The following SIGLEC14 variants were observed in gnomAD, a reference collection of about 807,000 sequenced individuals.
SIGLEC14 encodes sialic acid binding Ig like lectin 14, also known as sialic acid-binding Ig-like lectin 14.
In SIGLEC14, 11 loss-of-function variants were observed where a neutral mutation model predicts 34.2. That is an observed-to-expected ratio of 0.32 (90% CI 0.20 to 0.53). The LOEUF is 0.53. Ranked by LOEUF, SIGLEC14 falls within the 20% of genes least tolerant of loss-of-function variation. The pLI is 0.95. For missense variants in SIGLEC14, 264 were observed against 439.0 expected (o/e 0.60, Z 3.56); for synonymous variants, 99 against 179.7 (o/e 0.55, Z 3.59).
In SIGLEC14 at chr19:51,643,606, A is replaced by C; in HGVS notation, c.1079T>G (p.Leu360Arg). ...QQGSWPLVLT[L>R]IRGALMGAGF... is the part of the protein sequence containing the mutation. ...AGCCCCCATGAGAGCCCCCCTGATC[A>C]GGGTGAGGACGAGGGGCCAGGAGCC... The change falls in exon 6 of 7, where the codon CTG becomes CGG. Residue 360 changes from leucine to arginine, a missense_variant. Physicochemically the swap from Leu to Arg is moderately radical, Grantham distance 102. Coordinates refer to ENST00000360844, the MANE Select transcript of SIGLEC14 (RefSeq NM_001098612.3). The C allele has an allele frequency of 1.3e-6, 2 of 1,530,614 alleles. No homozygotes were observed. The highest frequency in any genetic ancestry group is 1.8e-6 in the Non-Finnish European group (2 of 1,140,554). The allele number at this position is 1,530,614 out of a possible 1,614,324, so 94.8% of individuals were successfully genotyped here. A position where few individuals can be genotyped will look rare whatever the true frequency, so the allele number is the denominator to read the frequency against.
chr19:51,640,434 G>A lies in SIGLEC14; in HGVS notation c.*2921C>T, dbSNP rs191495821. Among the ~76,000 whole-genome samples the A allele has an allele frequency of 2.3e-3, 320 of 138,722 alleles. 48 individuals carry two copies. The highest frequency in any genetic ancestry group is 3.5e-3 in the Non-Finnish European group (224 of 64,776). 91.0% of individuals were successfully genotyped at this position (138,722 alleles called of 152,430 possible). A position where few individuals can be genotyped will look rare whatever the true frequency, so the allele number is the denominator to read the frequency against. On this transcript the variant is annotated 3_prime_UTR_variant, in exon 7 of 7. Transcript: ENST00000360844. ...CAAGGGATGAAGCCCAGGGCAACTA[G>A]GAACACTGAAACAACAGGTAACAAT... is the stretch of plus-strand genomic sequence containing the variant.
Position 51,643,256 on chromosome 19 carries a change from TG to T in SIGLEC14, c.*98del. 1.7e-6 allele frequency: 2 copies of T among 1,163,186 alleles called. No individual in the cohort carries two copies. The highest frequency in any genetic ancestry group is 1.2e-6 in the Non-Finnish European group (1 of 821,260). The allele number at this position is 1,163,186 out of a possible 1,614,324, so 72.1% of individuals were successfully genotyped here. A position where few individuals can be genotyped will look rare whatever the true frequency, so the allele number is the denominator to read the frequency against. ...CAGGAAGGAAAAGAGGGGTAGTCAG[TG>T]GGATGTGAGCTTCCAGAAAGAAGCT... On this transcript the variant is annotated 3_prime_UTR_variant, in exon 7 of 7. Transcript: ENST00000360844.
chr19:51,646,799 G>A lies in SIGLEC14; in HGVS notation c.-40C>T. On this transcript the variant is annotated 5_prime_UTR_variant, in exon 1 of 7. Transcript: ENST00000360844. Reference sequence around the variant, plus strand: ...GGGCCCCAGCCCAGTCCCAGGTCCGGCTGTCAGGGAAGGAAATGCTCCAAA... The same window carrying A: ...GGGCCCCAGCCCAGTCCCAGGTCCGACTGTCAGGGAAGGAAATGCTCCAAA... The A allele has an allele frequency of 1.8e-6, 1 of 554,066 alleles. No homozygotes were observed. The highest frequency in any genetic ancestry group is 3.1e-6 in the Non-Finnish European group (1 of 317,564). The allele number at this position is 554,066 out of a possible 1,614,324, so 34.3% of individuals were successfully genotyped here. A position where few individuals can be genotyped will look rare whatever the true frequency, so the allele number is the denominator to read the frequency against.
At chr19:51,645,353 TG>T in intron 4 of SIGLEC14, 123 bp downstream of exon 4, 2 of 814,962 alleles carry the variant, frequency 2.5e-6, no homozygotes, top group South Asian at 1.7e-5. Flanking sequence ...ATTGGGGGGT[TG>T]GGAGCAGGAA....
chr19:51,643,487 A>ACCCACC, intron 6 of SIGLEC14, 50 bp downstream of exon 6: 1 of 1,299,168 alleles, frequency 7.7e-7, no homozygotes, highest in Non-Finnish European at 1.0e-6. Context: ...AGGACAGCTC[A>ACCCACC]GCCCCACCTG....
rs1292558322 is a variant in SIGLEC14 at position 51,643,272 on chromosome 19, A to G, written c.*83T>C. The stretch of plus-strand genomic sequence containing the variant: ...GGTAGTCAGTGGGATGTGAGCTTCC[A>G]GAAAGAAGCTGACAGTGATGTCCTG... On this transcript the variant is annotated 3_prime_UTR_variant, in exon 7 of 7. Transcript: ENST00000360844. 4 of 1,294,996 alleles carry G rather than the reference A, an allele frequency of 3.1e-6. 1 individual carries two copies. The highest frequency in any genetic ancestry group is 3.4e-5 in the African/African-American group (2 of 59,660). The allele number at this position is 1,294,996 out of a possible 1,614,324, so 80.2% of individuals were successfully genotyped here.
intron 4 of SIGLEC14, 100 bp downstream of exon 4, chr19:51,645,376 CA>C: frequency 8.7e-7 from 1 of 1,145,960 alleles, no homozygotes; most frequent in Non-Finnish European, 1.2e-6. Flanking sequence ...GACCCAGACC[CA>C]GGGGCTGAGG....
chr19:51,643,483 G>GGGGGCCCCCCC, intron 6 of SIGLEC14, 54 bp downstream of exon 6: 1 of 1,297,888 alleles, frequency 7.7e-7, no homozygotes. Context: ...GGGCAGGACA[G>GGGGGCCCCCCC]CTCAGCCCCA....
rs1983920560 is a variant in SIGLEC14 at position 51,642,203 on chromosome 19, C to G, written c.*1152G>C. On this transcript the variant is annotated 3_prime_UTR_variant, in exon 7 of 7. Transcript: ENST00000360844. ...AGGGAAAATGCAGAACCAGTGGATA[C>G]AGAAGGCTGACTGTACGATATTAAA... 2.9e-5 allele frequency among the ~76,000 whole-genome samples: 4 copies of G among 138,684 alleles called. 1 individual carries two copies. Among genetic ancestry groups the G allele is most frequent in the Non-Finnish European group, 6.2e-5 (4 of 64,884 alleles). 91.0% of individuals were successfully genotyped at this position (138,684 alleles called of 152,430 possible). A position where few individuals can be genotyped will look rare whatever the true frequency, so the allele number is the denominator to read the frequency against.
intron 2 of SIGLEC14, 91 bp from the exon 3 acceptor site, chr19:51,646,151 G>A: frequency 2.4e-6 from 2 of 828,044 alleles, no homozygotes; most frequent in Non-Finnish European, 3.5e-6. Context: ...GCCCCGACCT[G>A]CCCCAAGTCC....
At chr19:51,645,450 C>T in intron 4 of SIGLEC14, 27 bp downstream of exon 4, 2 of 1,516,362 alleles carry the variant, frequency 1.3e-6, no homozygotes, top group Non-Finnish European at 8.9e-7. Flanking sequence ...CCCATCACAG[C>T]CCCAGAGGGA....
chr19:51,641,883 A>G lies in SIGLEC14; in HGVS notation c.*1472T>C, dbSNP rs112159347. ...GGTGATGCAATAATCTGTACAACAA[A>G]CTCCCATGACACTTTACCTATGTAA... On this transcript the variant is annotated 3_prime_UTR_variant, in exon 7 of 7. Coordinates refer to ENST00000360844, the MANE Select transcript of SIGLEC14 (RefSeq NM_001098612.3). 1.6e-3 allele frequency among the ~76,000 whole-genome samples: 228 copies of G among 138,312 alleles called. 29 individuals are homozygous for G. Among genetic ancestry groups the G allele is most frequent in the Middle Eastern group, 3.5e-3 (1 of 284 alleles). The allele number at this position is 138,312 out of a possible 152,430, so 90.7% of individuals were successfully genotyped here.
Position 51,639,900 on chromosome 19 carries a change from T to C in SIGLEC14, c.*3455A>G, listed in dbSNP as rs1437836403. Reference sequence around the variant, plus strand: ...TTAAAAGAAAAACACCTGAAGTTTATAAAAGTTAAATTCATGAAAAAGAAT... The same window carrying C: ...TTAAAAGAAAAACACCTGAAGTTTACAAAAGTTAAATTCATGAAAAAGAAT... On this transcript the variant is annotated 3_prime_UTR_variant, in exon 7 of 7. Transcript: ENST00000360844. 1.4e-5 allele frequency: 2 copies of C among 139,348 alleles called. 1 individual carries two copies. Among genetic ancestry groups the C allele is most frequent in the African/African-American group, 5.4e-5 (2 of 36,716 alleles). The allele number at this position is 139,348 out of a possible 1,614,324, so 8.6% of individuals were successfully genotyped here.
rs770562044 is a variant in SIGLEC14, at chr19:51,643,582, GC to G, written c.1102del (p.Ala368LeufsTer64). 1.3e-6 allele frequency: 2 copies of G among 1,529,218 alleles called. No individual in the cohort carries two copies. Among genetic ancestry groups the G allele is most frequent in the African/African-American group, 3.0e-5 (2 of 66,246 alleles). 94.7% of individuals were successfully genotyped at this position (1,529,218 alleles called of 1,614,324 possible). A position where few individuals can be genotyped will look rare whatever the true frequency, so the allele number is the denominator to read the frequency against. ...GAGGCCATAGGTGAGGAGGAAGCCAGCCCCCATGAGAGCCCCCCTGATCAGG... is the reference window on the plus strand; with the variant it reads ...GAGGCCATAGGTGAGGAGGAAGCCAGCCCCATGAGAGCCCCCCTGATCAGG... ...LTLIRGALMG[A>X]GFLLTYGLTW... On this transcript the variant is annotated frameshift_variant, in exon 6 of 7. Transcript: ENST00000360844. LOFTEE classifies it low-confidence loss of function (END_TRUNC).
chr19:51,643,461 T>TG, intron 6 of SIGLEC14, 64 bp from the exon 7 acceptor site: 2 of 1,239,290 alleles, frequency 1.6e-6, no homozygotes, highest in Non-Finnish European at 2.1e-6. Flanking sequence ...CAGGTGGGGC[T>TG]GAGCTGTCCT....
chr19:51,643,507 A>C lies in SIGLEC14; in HGVS notation c.1148+30T>G. On this transcript the variant is annotated intron_variant, in intron 6 of 6. Coordinates refer to ENST00000360844, the MANE Select transcript of SIGLEC14 (RefSeq NM_001098612.3). ...AGCTCAGCCCCACCTGGAACTCAGG[A>C]GCTTCCTGGAGACAGGCAGTCCGGC... is the stretch of plus-strand genomic sequence containing the variant. 1.4e-6 allele frequency: 2 copies of C among 1,429,402 alleles called. 1 individual carries two copies. Among genetic ancestry groups the C allele is most frequent in the Non-Finnish European group, 1.8e-6 (2 of 1,084,914 alleles). The allele number at this position is 1,429,402 out of a possible 1,614,324, so 88.5% of individuals were successfully genotyped here. A position where few individuals can be genotyped will look rare whatever the true frequency, so the allele number is the denominator to read the frequency against.
At chr19:51,643,483 G>GGGGGGGGGGGGGGCCCCCCCC in intron 6 of SIGLEC14, 54 bp downstream of exon 6, 1 of 1,297,888 alleles carries the variant, frequency 7.7e-7, no homozygotes, top group Non-Finnish European at 1.0e-6. Flanking sequence ...GGGCAGGACA[G>GGGGGGGGGGGGGGCCCCCCCC]CTCAGCCCCA....
chr19:51,644,375 T>C (rs1031163435), intron 4 of SIGLEC14, among the ~76,000 whole-genome samples: 1 of 136,980 alleles, frequency 7.3e-6, no homozygotes, highest in Non-Finnish European at 1.6e-5. Flanking sequence ...GACACGATAA[T>C]GGAGGTAGAA....
rs2122126382 is a variant in SIGLEC14 at position 51,646,195 on chromosome 19, G to A, written c.421+62C>T. The A allele has an allele frequency of 1.4e-6, 2 of 1,396,816 alleles. 1 individual carries two copies. Among genetic ancestry groups the A allele is most frequent in the Admixed American group, 3.8e-5 (2 of 52,714 alleles). The allele number at this position is 1,396,816 out of a possible 1,614,324, so 86.5% of individuals were successfully genotyped here. On this transcript the variant is annotated intron_variant, in intron 2 of 6. Transcript: ENST00000360844. ...CTCCAGCCGCCCCTGCCCAACTCCTGTCCCTGTTCTCATACGGGGGTCTCC... is the reference window on the plus strand; with the variant it reads ...CTCCAGCCGCCCCTGCCCAACTCCTATCCCTGTTCTCATACGGGGGTCTCC...
Sources: allele counts gnomAD v4.1 joint callset (sites outside exome capture counted in the v4.1 genomes callset), GRCh38; gene constraint gnomAD v4.1.1; transcripts MANE v1.5; gene names NCBI Gene and HGNC (gene_info 2026-07-23, HGNC 2026-07-21).